The following CCSER1 variants were observed in gnomAD, a reference collection of about 807,000 sequenced individuals.
CCSER1 encodes serine-rich coiled-coil domain-containing protein 1.
Under a neutral mutation model 82.0 loss-of-function variants are expected in CCSER1, and 41 were observed. That is an observed-to-expected ratio of 0.50 (90% CI 0.39 to 0.65). CCSER1 has a LOEUF of 0.65. Ranked by LOEUF, CCSER1 falls within the 30% of genes least tolerant of loss-of-function variation. CCSER1 has a pLI of 0.00. For missense variants in CCSER1, 1,119 were observed against 1,064.2 expected (o/e 1.05, Z -0.72); for synonymous variants, 414 against 383.9 (o/e 1.08, Z -0.92).
intron 9 of CCSER1, among the ~76,000 whole-genome samples, chr4:91,018,324 A>C (rs760247756): frequency 3.9e-5 from 6 of 152,026 alleles, no homozygotes; most frequent in Non-Finnish European, 7.4e-5. Flanking sequence ...GTCTTTTCTT[A>C]CCCTGCTTTG....
intron 5 of CCSER1, among the ~76,000 whole-genome samples, chr4:90,602,910 C>T (rs947170225): frequency 2.0e-5 from 3 of 152,168 alleles, no homozygotes; most frequent in African/African-American, 7.2e-5. Context: ...TGTCCTCTCT[C>T]CTAGAGGTAG....
intron 10 of CCSER1, among the ~76,000 whole-genome samples, chr4:91,115,519 G>GT (rs1388504749): frequency 6.6e-6 from 1 of 151,990 alleles, no homozygotes; most frequent in African/African-American, 2.4e-5. Context: ...TAGAGATGGA[G>GT]TTTCACTATG....
At chr4:90,342,895 T>C (rs1338859134) in intron 3 of CCSER1, among the ~76,000 whole-genome samples, 3 of 152,156 alleles carry the variant, frequency 2.0e-5, no homozygotes, top group South Asian at 2.1e-4. Context: ...TAGTATTTTT[T>C]AAGATTTTTT....
intron 1 of CCSER1, among the ~76,000 whole-genome samples, chr4:90,302,939 C>A (rs1733459430): frequency 6.6e-6 from 1 of 152,154 alleles, no homozygotes; most frequent in Non-Finnish European, 1.5e-5. Context: ...GAGATGTAGA[C>A]AGCATCCAAG....
chr4:90,300,770 A>T (rs1445997793), intron 1 of CCSER1, among the ~76,000 whole-genome samples: 1 of 152,126 alleles, frequency 6.6e-6, no homozygotes, highest in African/African-American at 2.4e-5. Flanking sequence ...CAGCTCTGAA[A>T]CCCTGCAGGA....
chr4:90,157,314 C>A lies in CCSER1; in HGVS notation c.-42+29483C>A, dbSNP rs913538936. 2.8e-4 allele frequency among the ~76,000 whole-genome samples: 43 copies of A among 152,176 alleles called. 1 individual carries two copies. Among genetic ancestry groups the A allele is most frequent in the African/African-American group, 9.9e-4 (41 of 41,518 alleles). ...CTCTGGCTGCCCTTAACATTTTTTC[C>A]TTCATTTCAACTTTGGTGAATCTGA... On this transcript the variant is annotated intron_variant, in intron 1 of 10. Coordinates refer to ENST00000509176, the MANE Select transcript of CCSER1 (RefSeq NM_001145065.2).
chr4:90,722,920 G>A (rs893470350), intron 6 of CCSER1, among the ~76,000 whole-genome samples: 2 of 151,876 alleles, frequency 1.3e-5, no homozygotes, highest in African/African-American at 2.4e-5. Context: ...CTTTGAATGC[G>A]TTCTTTTGTT....
At chr4:91,121,721 A>G (rs1727107090) in intron 10 of CCSER1, among the ~76,000 whole-genome samples, 1 of 151,642 alleles carries the variant, frequency 6.6e-6, no homozygotes, top group African/African-American at 2.4e-5. Context: ...TTTAAAATGT[A>G]ATACTTTCCT....
At chr4:90,332,097 G>A (rs6838728) in intron 3 of CCSER1, among the ~76,000 whole-genome samples, 46,042 of 151,862 alleles carry the variant, frequency 0.3, 7,137 homozygotes, top group East Asian at 0.44. Context: ...GATAAATTAG[G>A]TATTGCTTCT....
At chr4:90,200,061 GACACACACACAC>G (rs71596519) in intron 1 of CCSER1, among the ~76,000 whole-genome samples, 1 of 144,954 alleles carries the variant, frequency 6.9e-6, no homozygotes, top group African/African-American at 2.5e-5. Context: ...CGTGCACGCA[GACACACACACAC>G]ACACACACAC....
chr4:90,203,441 G>C (rs1175564902), intron 1 of CCSER1, among the ~76,000 whole-genome samples: 1 of 152,116 alleles, frequency 6.6e-6, no homozygotes, highest in African/African-American at 2.4e-5. Flanking sequence ...GTGAGAACAT[G>C]CAATGTTTAG....
chr4:91,346,173 C>T (rs1051601996), intron 10 of CCSER1, among the ~76,000 whole-genome samples: 9 of 151,938 alleles, frequency 5.9e-5, no homozygotes, highest in African/African-American at 2.2e-4. Flanking sequence ...CTCACCACCA[C>T]ACCCAGAGAA....
chr4:91,154,808 A>T (rs1161659028), intron 10 of CCSER1, among the ~76,000 whole-genome samples: 1 of 151,960 alleles, frequency 6.6e-6, no homozygotes, highest in South Asian at 2.1e-4. Context: ...ATTTTATGTT[A>T]CTCTATATCA....
At chr4:91,017,811 TTGTG>T (rs34719158) in intron 9 of CCSER1, among the ~76,000 whole-genome samples, 24,922 of 143,824 alleles carry the variant, frequency 0.17, 2,372 homozygotes, top group Non-Finnish European at 0.24. Flanking sequence ...GGTTTTTAAA[TTGTG>T]TGTGTGTGTG....
intron 5 of CCSER1, among the ~76,000 whole-genome samples, chr4:90,529,953 T>TATATATATA (rs1362762409): frequency 1.1e-5 from 1 of 89,932 alleles, no homozygotes; most frequent in African/African-American, 4.5e-5. Flanking sequence ...ATATATATAT[T>TATATATATA]TTTTTTTTCT....
chr4:90,889,064 C>A (rs187040186), intron 8 of CCSER1, among the ~76,000 whole-genome samples: 1 of 151,892 alleles, frequency 6.6e-6, no homozygotes, highest in South Asian at 2.1e-4. Context: ...GGTAAAAGAA[C>A]GGAAGAAATC....
chr4:90,626,429 C>A lies in CCSER1; in HGVS notation c.1725-1596C>A, dbSNP rs151323656. 1.1e-4 allele frequency among the ~76,000 whole-genome samples: 16 copies of A among 152,236 alleles called. No individual in the cohort carries two copies. The East Asian group carries it at 2.7e-3, about 26-fold the overall frequency. ...TCTTAGAGAAAATAGCCATAGAAAGCATTAACACTAAACGGAAGGCTTTAA... is the reference window on the plus strand; with the variant it reads ...TCTTAGAGAAAATAGCCATAGAAAGAATTAACACTAAACGGAAGGCTTTAA... On this transcript the variant is annotated intron_variant, in intron 5 of 10. Transcript: ENST00000509176.
At chr4:91,273,960 T>A (rs2149188414) in intron 10 of CCSER1, among the ~76,000 whole-genome samples, 1 of 152,318 alleles carries the variant, frequency 6.6e-6, no homozygotes, top group South Asian at 2.1e-4. Flanking sequence ...ATCTGATTAT[T>A]TGTCACTCCA....
At chr4:91,182,377 T>C (rs1452701044) in intron 10 of CCSER1, among the ~76,000 whole-genome samples, 2 of 152,216 alleles carry the variant, frequency 1.3e-5, no homozygotes, top group African/African-American at 4.8e-5. Context: ...TCTGCTTCTG[T>C]CTTTGCAGTT....
Sources: gnomAD v4.1 joint callset for allele counts (sites outside exome capture counted in the v4.1 genomes callset) on GRCh38, gnomAD v4.1.1 for gene constraint, MANE v1.5 for transcripts, NCBI Gene and HGNC (gene_info 2026-07-23, HGNC 2026-07-21) for gene names.